The following NEK10 variants were observed in gnomAD, a reference collection of about 807,000 sequenced individuals.
NEK10 encodes NIMA related kinase 10.
NEK10 carries 122 observed loss-of-function variants against 159.8 expected under a neutral mutation model. The ratio of observed to expected loss-of-function variants is 0.76; its 90% CI spans 0.66 to 0.89. The LOEUF is 0.89. Among genes scored for constraint, NEK10 ranks in the 40% least tolerant of loss-of-function variants. The pLI is 0.00. For missense variants in NEK10, 1,342 were observed against 1,323.1 expected, an observed-to-expected ratio of 1.01 and a Z score of -0.22; for synonymous variants, 466 against 457.1, an observed-to-expected ratio of 1.02 and a Z score of -0.25.
chr3:27,348,369 T>C (rs1220675809), intron 3 of NEK10, among the ~76,000 whole-genome samples: 1 of 152,130 alleles, frequency 6.6e-6, no homozygotes, highest in Non-Finnish European at 1.5e-5. Flanking sequence ...GCAGAGCAGG[T>C]GGCCTGTATC....
intron 23 of NEK10, among the ~76,000 whole-genome samples, chr3:27,240,428 A>T (rs1559346257): frequency 6.7e-6 from 1 of 149,006 alleles, no homozygotes; most frequent in Non-Finnish European, 1.5e-5. Context: ...TGATTTCACA[A>T]AAAAGATAAT....
chr3:27,348,147 C>G (rs533259918), intron 3 of NEK10, among the ~76,000 whole-genome samples: 1 of 152,228 alleles, frequency 6.6e-6, no homozygotes, highest in Non-Finnish European at 1.5e-5. Flanking sequence ...GCAGCACAAG[C>G]AAATTTTCCC....
chr3:27,149,416 G>A (rs1944615602), intron 30 of NEK10, among the ~76,000 whole-genome samples: 1 of 151,994 alleles, frequency 6.6e-6, no homozygotes, highest in African/African-American at 2.4e-5. Flanking sequence ...ATTGAGCAAG[G>A]CTACTGGCAC....
intron 12 of NEK10, among the ~76,000 whole-genome samples, chr3:27,303,831 A>T (rs761082981): frequency 6.6e-6 from 1 of 152,214 alleles, no homozygotes; most frequent in East Asian, 1.9e-4. Flanking sequence ...ATGAAAATTG[A>T]TAAGTCCCTC....
chr3:27,173,067 C>T lies in NEK10; in HGVS notation c.2777-1194G>A, dbSNP rs182956090. 1.2e-4 allele frequency among the ~76,000 whole-genome samples: 18 copies of T among 152,240 alleles called. No individual in the cohort carries two copies. In the East Asian group the frequency reaches 3.1e-3, roughly 26 times the overall value. On this transcript the variant is annotated intron_variant, in intron 28 of 35. Transcript: ENST00000691995. Reference sequence around the variant, plus strand: ...AATTTCGGTTACCTGAGCAATTGTACATACTGTAAAAATTGTCTTTGATTA... The same window carrying T: ...AATTTCGGTTACCTGAGCAATTGTATATACTGTAAAAATTGTCTTTGATTA...
intron 22 of NEK10, among the ~76,000 whole-genome samples, chr3:27,283,782 T>C (rs956987066): frequency 6.6e-6 from 1 of 152,240 alleles, no homozygotes; most frequent in African/African-American, 2.4e-5. Context: ...AAACTCTATG[T>C]TGAAATATAC....
chr3:27,258,644 G>C (rs1338946223), intron 22 of NEK10, among the ~76,000 whole-genome samples: 2 of 152,120 alleles, frequency 1.3e-5, no homozygotes, highest in Non-Finnish European at 2.9e-5. Flanking sequence ...TTGGTTCCAA[G>C]TCTTTGCTAT....
At chr3:27,201,452 A>G (rs1263113195) in intron 25 of NEK10, 58 bp downstream of exon 25, 3 of 1,363,000 alleles carry the variant, frequency 2.2e-6, no homozygotes, top group African/African-American at 2.9e-5. Flanking sequence ...GTGATTTATT[A>G]TAGAAATGAG....
intron 22 of NEK10, among the ~76,000 whole-genome samples, chr3:27,278,214 G>T (rs1005010638): frequency 2.0e-5 from 3 of 152,160 alleles, no homozygotes; most frequent in Non-Finnish European, 4.4e-5. Context: ...AAGCTGTTGA[G>T]AATTTCAGGT....
intron 29 of NEK10, 35 bp from the exon 30 acceptor site, chr3:27,162,773 G>T (rs1419930177): frequency 6.2e-7 from 1 of 1,613,488 alleles, no homozygotes; most frequent in South Asian, 1.1e-5. Context: ...AGAATGACCT[G>T]TTCAACTTGG....
intron 29 of NEK10, among the ~76,000 whole-genome samples, chr3:27,163,759 A>ATGTACTAGG (rs1946236813): frequency 3.3e-5 from 5 of 152,318 alleles, no homozygotes; most frequent in Middle Eastern, 6.8e-3. Context: ...AAAATATATC[A>ATGTACTAGG]TACATGTACT....
chr3:27,247,396 T>C (rs1300095005), intron 23 of NEK10, among the ~76,000 whole-genome samples: 1 of 152,194 alleles, frequency 6.6e-6, no homozygotes, highest in Non-Finnish European at 1.5e-5. Context: ...ATAGTTGTTG[T>C]CCTCCAGTCT....
intron 5 of NEK10, among the ~76,000 whole-genome samples, chr3:27,337,032 G>C (rs554701304): frequency 4.6e-5 from 7 of 151,842 alleles, no homozygotes; most frequent in Middle Eastern, 3.2e-3. Flanking sequence ...ACATTTGGCG[G>C]GGGGGAAAGG....
chr3:27,259,612 G>T (rs534803797), intron 22 of NEK10, among the ~76,000 whole-genome samples: 1 of 152,252 alleles, frequency 6.6e-6, no homozygotes, highest in African/African-American at 2.4e-5. Context: ...TGCTGTTTTG[G>T]CTACCGTAGC....
chr3:27,291,222 G>T (rs1559441559), intron 18 of NEK10, 40 bp downstream of exon 18: 1 of 1,591,688 alleles, frequency 6.3e-7, no homozygotes, highest in South Asian at 1.1e-5. Context: ...CATCCGGTTT[G>T]GTTGGGAGTA....
chr3:27,259,370 T>C (rs1380061781), intron 22 of NEK10, among the ~76,000 whole-genome samples: 3 of 152,354 alleles, frequency 2.0e-5, no homozygotes, highest in Admixed American at 6.5e-5. Flanking sequence ...TTTACGTCTT[T>C]AATCCACCTT....
intron 22 of NEK10, chr3:27,279,028 T>C (rs1160167805): frequency 3.7e-6 from 2 of 544,252 alleles, no homozygotes; most frequent in African/African-American, 4.1e-5. Flanking sequence ...AATGGAAATA[T>C]ATTTAGACTT....
chr3:27,279,039 A>G, intron 22 of NEK10: 1 of 470,982 alleles, frequency 2.1e-6, no homozygotes, highest in Non-Finnish European at 2.8e-6. Context: ...ATTTAGACTT[A>G]AAAATATATA....
intron 33 of NEK10, among the ~76,000 whole-genome samples, chr3:27,118,382 A>T (rs1940799194): frequency 6.6e-6 from 1 of 152,230 alleles, no homozygotes; most frequent in Admixed American, 6.5e-5. Context: ...ACCAGCTTTC[A>T]CTCAAACCAA....
Sources: gnomAD v4.1 joint callset for allele counts (sites outside exome capture counted in the v4.1 genomes callset) on GRCh38, gnomAD v4.1.1 for gene constraint, MANE v1.5 for transcripts, NCBI Gene and HGNC (gene_info 2026-07-23, HGNC 2026-07-21) for gene names.